The following EPS15L1 variants were observed in gnomAD, a reference collection of about 807,000 sequenced individuals.
EPS15L1 encodes the protein epidermal growth factor receptor pathway substrate 15 like 1, also known as epidermal growth factor receptor substrate 15-like 1.
In EPS15L1, 43 loss-of-function variants were observed where a neutral mutation model predicts 117.1. The ratio of observed to expected loss-of-function variants is 0.37; its 90% CI spans 0.29 to 0.47. The LOEUF (loss-of-function observed/expected upper bound fraction) is 0.47. Ranked by LOEUF, EPS15L1 falls within the 20% of genes least tolerant of loss-of-function variation. The pLI is 0.99. For missense variants in EPS15L1, 981 were observed against 1,164.0 expected (o/e 0.84, Z 2.29); for synonymous variants, 459 against 470.5 (o/e 0.98, Z 0.32).
rs966893761 is a variant in EPS15L1 at position 16,435,685 on chromosome 19, G to A, written c.373-1195C>T. On this transcript the variant is annotated intron_variant, in intron 6 of 23. Transcript: ENST00000455140. The stretch of plus-strand genomic sequence containing the variant: ...GGCCTGGGATCCTCTCCTGGCCATC[G>A]GACTTGCTGACTCAGTGCCTTCAGA... 2.7e-5 allele frequency among the ~76,000 whole-genome samples: 4 copies of A among 150,872 alleles called. No homozygotes were observed. In the East Asian group the frequency reaches 5.8e-4, roughly 22 times the overall value.
At chr19:16,418,198 G>A (rs971949417) in intron 10 of EPS15L1, 94 bp from the exon 11 acceptor site, 26 of 1,428,044 alleles carry the variant, frequency 1.8e-5, no homozygotes, top group South Asian at 5.3e-5. Flanking sequence ...AAACGACAGC[G>A]ACGAAAACAA....
chr19:16,361,868 C>A lies in EPS15L1; in HGVS notation c.2497G>T (p.Asp833Tyr), dbSNP rs146009121. The A allele has an allele frequency of 4.3e-6, 7 of 1,613,964 alleles. No individual in the cohort carries two copies. The highest frequency in any genetic ancestry group is 4.0e-5 in the African/African-American group (3 of 74,914). The change falls in exon 23 of 24, where the codon GAC (aspartate) becomes TAC (tyrosine). Residue 833 changes from aspartate (D) to tyrosine (Y), a missense_variant. Physicochemically the swap from Asp to Tyr is radical, Grantham distance 160. Coordinates refer to ENST00000455140, the MANE Select transcript of EPS15L1 (RefSeq NM_001258374.3). The part of the protein sequence containing the change: ...DPFQSKKGFG[D>Y]PFSGKDPFVP... ...AATGGGTCTTTTCCACTAAACGGGT[C>A]CCCAAACCCCTTTTTACTTTGGAAC...
At chr19:16,410,310 T>C (rs2092695493) in intron 13 of EPS15L1, among the ~76,000 whole-genome samples, 1 of 152,068 alleles carries the variant, frequency 6.6e-6, no homozygotes, top group African/African-American at 2.4e-5. Context: ...AAATCCACAA[T>C]GAGGCAGTGC....
chr19:16,385,423 T>C (rs2092410277), intron 20 of EPS15L1, among the ~76,000 whole-genome samples: 1 of 152,132 alleles, frequency 6.6e-6, no homozygotes, highest in Non-Finnish European at 1.5e-5. Context: ...ACGACCACTC[T>C]GGGAGGGCCA....
At chr19:16,376,251 C>A (rs139109371) in intron 22 of EPS15L1, among the ~76,000 whole-genome samples, 1 of 152,156 alleles carries the variant, frequency 6.6e-6, no homozygotes, top group Admixed American at 6.5e-5. Context: ...CGTCCCAGAC[C>A]GGGGCACAGA....
intron 16 of EPS15L1, among the ~76,000 whole-genome samples, chr19:16,398,326 A>G (rs367690687): frequency 6.6e-6 from 1 of 152,252 alleles, no homozygotes; most frequent in Admixed American, 6.5e-5. Flanking sequence ...GGTTTTCCCA[A>G]GGTGGGGAAA....
intron 6 of EPS15L1, among the ~76,000 whole-genome samples, chr19:16,436,393 G>A (rs917188928): frequency 3.3e-5 from 5 of 152,076 alleles, no homozygotes; most frequent in African/African-American, 7.2e-5. Context: ...CTTTCTGGAC[G>A]CAGTAGCTTA....
chr19:16,407,987 A>G (rs1032569980), intron 13 of EPS15L1, among the ~76,000 whole-genome samples: 2 of 152,236 alleles, frequency 1.3e-5, no homozygotes, highest in African/African-American at 2.4e-5. Context: ...ATAACACAGA[A>G]TAACTGAAAC....
intron 16 of EPS15L1, among the ~76,000 whole-genome samples, chr19:16,398,139 A>G (rs2092559818): frequency 6.6e-6 from 1 of 152,224 alleles, no homozygotes; most frequent in Admixed American, 6.5e-5. Flanking sequence ...CAGGACAGTT[A>G]TGAGAGGTAC....
At chr19:16,414,716 T>TG (rs1490654062) in intron 12 of EPS15L1, among the ~76,000 whole-genome samples, 1 of 150,566 alleles carries the variant, frequency 6.6e-6, no homozygotes, top group African/African-American at 2.4e-5. Context: ...GGTTTTGTTT[T>TG]TTTTTTTTTT....
chr19:16,390,601 C>A (rs1469553849), intron 19 of EPS15L1, among the ~76,000 whole-genome samples: 2 of 152,016 alleles, frequency 1.3e-5, no homozygotes, highest in Non-Finnish European at 2.9e-5. Context: ...CAAACAACAA[C>A]CCTTGATTAA....
intron 11 of EPS15L1, 74 bp from the exon 12 acceptor site, chr19:16,417,711 C>A (rs543884284): frequency 9.0e-6 from 12 of 1,339,886 alleles, no homozygotes; most frequent in Non-Finnish European, 1.2e-5. Flanking sequence ...CAGCAGTTCT[C>A]GGGCCCAGGG....
intron 4 of EPS15L1, 140 bp from the exon 5 acceptor site, chr19:16,438,005 G>T (rs184355253): frequency 1.5e-6 from 1 of 645,582 alleles, no homozygotes; most frequent in Non-Finnish European, 2.8e-6. Flanking sequence ...CCCTTGGAGC[G>T]TTGGGCTGAA....
At chr19:16,367,216 A>G (rs938933438) in intron 22 of EPS15L1, among the ~76,000 whole-genome samples, 45 of 151,602 alleles carry the variant, frequency 3.0e-4, no homozygotes, top group Admixed American at 1.0e-3. Flanking sequence ...CGATGCCATC[A>G]ATCCTAGATA....
At chr19:16,456,853 T>C (rs1281995604) in intron 1 of EPS15L1, among the ~76,000 whole-genome samples, 4 of 151,762 alleles carry the variant, frequency 2.6e-5, no homozygotes, top group Admixed American at 2.6e-4. Context: ...CTGTGGGTGA[T>C]TCAGCACGGC....
chr19:16,462,065 T>C (rs1429312385), intron 1 of EPS15L1, among the ~76,000 whole-genome samples: 2 of 152,146 alleles, frequency 1.3e-5, no homozygotes, highest in Admixed American at 6.5e-5. Flanking sequence ...GTGGCAATCA[T>C]AGGACAAAAT....
At chr19:16,400,830 C>G in intron 16 of EPS15L1, 33 of 985,342 alleles carry the variant, frequency 3.3e-5, no homozygotes, top group Non-Finnish European at 4.0e-5. Flanking sequence ...AATCACTGGC[C>G]ACTTGCAAAC....
chr19:16,393,840 G>T (rs947125154), intron 18 of EPS15L1, 111 bp downstream of exon 18: 8 of 1,118,910 alleles, frequency 7.1e-6, no homozygotes, highest in Middle Eastern at 2.2e-4. Flanking sequence ...GTCCTTCCCA[G>T]TTACATGGCT....
Position 16,441,808 on chromosome 19 carries a change from G to A in EPS15L1, c.165+84C>T, listed in dbSNP as rs1301350825. 9.6e-6 allele frequency: 10 copies of A among 1,042,262 alleles called. No individual in the cohort carries two copies. The Admixed American group carries it at 1.2e-4, about 12-fold the overall frequency. The allele number at this position is 1,042,262 out of a possible 1,614,324, so 64.6% of individuals were successfully genotyped here. A position where few individuals can be genotyped will look rare whatever the true frequency, so the allele number is the denominator to read the frequency against. On this transcript the variant is annotated intron_variant, in intron 3 of 23. Transcript: ENST00000455140. ...CCCAGGAGGCCGGGCCCCATGGAAGGAGGCCTGCACAGGCTGGCCCTGACC... is the reference window on the plus strand; with the variant it reads ...CCCAGGAGGCCGGGCCCCATGGAAGAAGGCCTGCACAGGCTGGCCCTGACC...
Sources: allele counts gnomAD v4.1 joint callset (sites outside exome capture counted in the v4.1 genomes callset), GRCh38; gene constraint gnomAD v4.1.1; transcripts MANE v1.5; gene names NCBI Gene and HGNC (gene_info 2026-07-23, HGNC 2026-07-21).